The following AGBL1 variants were observed in gnomAD, a reference collection of about 807,000 sequenced individuals.
AGBL1 encodes AGBL carboxypeptidase 1.
Under a neutral mutation model 118.9 loss-of-function variants are expected in AGBL1, and 130 were observed. The observed-to-expected ratio is 1.09, with a 90% CI of 0.95 to 1.26. AGBL1 has a LOEUF of 1.26. AGBL1 is among the 50% of genes most tolerant of loss of function. The pLI is 0.00. For missense variants in AGBL1, 1,584 were observed against 1,298.1 expected (o/e 1.22, Z -3.38); for synonymous variants, 555 against 478.9 (o/e 1.16, Z -2.08).
At chr15:86,650,092 A>G (rs545419892) in intron 21 of AGBL1, among the ~76,000 whole-genome samples, 63 of 152,330 alleles carry the variant, frequency 4.1e-4, no homozygotes, top group Non-Finnish European at 8.7e-4. Flanking sequence ...TACAGCATAT[A>G]TATCTAGTTC....
chr15:86,113,759 T>G (rs939456988), intron 1 of AGBL1, among the ~76,000 whole-genome samples: 1 of 152,202 alleles, frequency 6.6e-6, no homozygotes, highest in African/African-American at 2.4e-5. Flanking sequence ...CTATGCGAAG[T>G]GAACAAATAG....
chr15:86,269,894 C>A (rs1306054959), intron 13 of AGBL1, 25 bp from the exon 14 acceptor site: 1 of 1,610,844 alleles, frequency 6.2e-7, no homozygotes, highest in South Asian at 1.1e-5. Flanking sequence ...CCAGATAACC[C>A]TCCAGTCTTG....
At chr15:86,318,299 C>T (rs1466569433) in intron 17 of AGBL1, among the ~76,000 whole-genome samples, 1 of 152,138 alleles carries the variant, frequency 6.6e-6, no homozygotes, top group Non-Finnish European at 1.5e-5. Flanking sequence ...TAGAACATTG[C>T]CACTAGTGTG....
rs36077192 is a variant in AGBL1, at chr15:86,980,885, C to CTTTTTTTTTTTT, written c.3222-7094_3222-7083dup. On this transcript the variant is annotated intron_variant, in intron 23 of 24. Transcript: ENST00000441037. ...ATATAAATAGTGCTTCAGAAACATCCTTTTTTTTTTTTTTTTTTTGAGACA... is the reference window on the plus strand; with the variant it reads ...ATATAAATAGTGCTTCAGAAACATCCTTTTTTTTTTTTTTTTTTTTTTTTTTTTTTTGAGACA... Among the ~76,000 whole-genome samples, 27 of 118,996 alleles carry CTTTTTTTTTTTT rather than the reference C, an allele frequency of 2.3e-4. 1 individual carries two copies. Among genetic ancestry groups the CTTTTTTTTTTTT allele is most frequent in the Non-Finnish European group, 3.0e-4 (18 of 59,940 alleles). The allele number at this position is 118,996 out of a possible 152,430, so 78.1% of individuals were successfully genotyped here. A position where few individuals can be genotyped will look rare whatever the true frequency, so the allele number is the denominator to read the frequency against.
At chr15:86,382,208 C>A (rs2081122180) in intron 17 of AGBL1, among the ~76,000 whole-genome samples, 1 of 152,172 alleles carries the variant, frequency 6.6e-6, no homozygotes, top group Admixed American at 6.5e-5. Flanking sequence ...CATCTTTAAG[C>A]CATTGTCTCA....
At chr15:86,121,058 G>A (rs1898066259) in intron 1 of AGBL1, among the ~76,000 whole-genome samples, 1 of 151,946 alleles carries the variant, frequency 6.6e-6, no homozygotes, top group Non-Finnish European at 1.5e-5. Flanking sequence ...CACCATGCCT[G>A]CCTAATTTTT....
At chr15:86,927,002 G>A (rs1352454230) in intron 23 of AGBL1, among the ~76,000 whole-genome samples, 3 of 152,000 alleles carry the variant, frequency 2.0e-5, no homozygotes, top group Non-Finnish European at 2.9e-5. Flanking sequence ...AGCCTGGTGT[G>A]GTGGTGGGCG....
chr15:86,144,991 C>T (rs1286711140), intron 3 of AGBL1, among the ~76,000 whole-genome samples: 1 of 152,088 alleles, frequency 6.6e-6, no homozygotes, highest in East Asian at 1.9e-4. Flanking sequence ...AGAATCGGTT[C>T]CATGCCCCTC....
intron 21 of AGBL1, among the ~76,000 whole-genome samples, chr15:86,608,310 C>G (rs148967226): frequency 6.6e-6 from 1 of 152,184 alleles, no homozygotes; most frequent in Non-Finnish European, 1.5e-5. Flanking sequence ...TAGACACAGG[C>G]TCGAGCTAGA....
chr15:86,574,823 C>G (rs572781838), intron 21 of AGBL1, among the ~76,000 whole-genome samples: 2 of 151,678 alleles, frequency 1.3e-5, no homozygotes, highest in Non-Finnish European at 2.9e-5. Flanking sequence ...AGTGACCTAC[C>G]GTCCTTGGCC....
chr15:86,755,489 T>C (rs540991784), intron 22 of AGBL1, among the ~76,000 whole-genome samples: 1 of 152,196 alleles, frequency 6.6e-6, no homozygotes, highest in South Asian at 2.1e-4. Flanking sequence ...CAAGGAGCAA[T>C]GGACACCACT....
chr15:86,599,383 A>G (rs1030645472), intron 21 of AGBL1, among the ~76,000 whole-genome samples: 1 of 151,966 alleles, frequency 6.6e-6, no homozygotes, highest in Non-Finnish European at 1.5e-5. Flanking sequence ...GCCATTGAAC[A>G]TGTTAACCAT....
intron 22 of AGBL1, among the ~76,000 whole-genome samples, chr15:86,678,878 C>A (rs2142562202): frequency 6.6e-6 from 1 of 151,898 alleles, no homozygotes; most frequent in South Asian, 2.1e-4. Context: ...ATTAGTAATG[C>A]CGGTTTATTA....
chr15:86,765,172 C>T (rs1192076256), intron 22 of AGBL1, among the ~76,000 whole-genome samples: 2 of 152,024 alleles, frequency 1.3e-5, no homozygotes, highest in Non-Finnish European at 2.9e-5. Flanking sequence ...GACCCGGAAG[C>T]AGAGAAGCCC....
At chr15:86,380,326 C>T (rs1245360339) in intron 17 of AGBL1, among the ~76,000 whole-genome samples, 3 of 148,664 alleles carry the variant, frequency 2.0e-5, no homozygotes, top group Non-Finnish European at 4.4e-5. Context: ...ACTGTGTCGC[C>T]CAGGCTGGAG....
At chr15:86,487,419 T>C (rs112508432) in intron 18 of AGBL1, among the ~76,000 whole-genome samples, 24 of 152,194 alleles carry the variant, frequency 1.6e-4, no homozygotes, top group Admixed American at 5.2e-4. Flanking sequence ...AAAATAGTAA[T>C]TAATAAGTGA....
intron 4 of AGBL1, among the ~76,000 whole-genome samples, chr15:86,156,756 C>T (rs557655396): frequency 2.0e-5 from 3 of 150,258 alleles, no homozygotes; most frequent in Non-Finnish European, 4.4e-5. Context: ...TACTAAAATG[C>T]CTGATTTTTT....
chr15:86,855,775 T>A (rs1319999004), intron 22 of AGBL1, among the ~76,000 whole-genome samples: 1 of 152,168 alleles, frequency 6.6e-6, no homozygotes, highest in East Asian at 1.9e-4. Context: ...CTCTGCTCAA[T>A]TCCAAGGGGA....
chr15:86,612,899 A>G (rs571500650), intron 21 of AGBL1, among the ~76,000 whole-genome samples: 3 of 152,192 alleles, frequency 2.0e-5, no homozygotes, highest in Non-Finnish European at 4.4e-5. Flanking sequence ...GCTGATTTCA[A>G]TTCTTTCGAC....
Sources: allele counts gnomAD v4.1 joint callset (sites outside exome capture counted in the v4.1 genomes callset), GRCh38; gene constraint gnomAD v4.1.1; transcripts MANE v1.5; gene names NCBI Gene and HGNC (gene_info 2026-07-23, HGNC 2026-07-21).